PKNOX2: variants seen among roughly 807,000 people sequenced by gnomAD.
The protein encoded by PKNOX2 is PBX/knotted 1 homeobox 2.
In PKNOX2, 14 loss-of-function variants were observed where a neutral mutation model predicts 53.1. That is an observed-to-expected ratio of 0.26 (90% CI 0.17 to 0.41). The LOEUF (loss-of-function observed/expected upper bound fraction) is 0.41. Among genes scored for constraint, PKNOX2 ranks in the 10% least tolerant of loss-of-function variants. The pLI is 1.00. For synonymous variants in PKNOX2, 257 were observed against 242.8 expected (o/e 1.06, Z -0.54); for missense variants, 496 against 602.8 (o/e 0.82, Z 1.85).
At chr11:125,278,462 C>T (rs913895094) in intron 2 of PKNOX2, among the ~76,000 whole-genome samples, 1 of 152,124 alleles carries the variant, frequency 6.6e-6, no homozygotes, top group Non-Finnish European at 1.5e-5. Flanking sequence ...TGAGTGTCTA[C>T]CCAGCAGTGC....
chr11:125,243,069 G>A (rs958374146), intron 2 of PKNOX2, among the ~76,000 whole-genome samples: 1 of 152,224 alleles, frequency 6.6e-6, no homozygotes, highest in African/African-American at 2.4e-5. Flanking sequence ...AGGATTAAAA[G>A]AGATATGTGA....
chr11:125,371,282 A>AG (rs1427036877), intron 5 of PKNOX2, among the ~76,000 whole-genome samples: 1 of 152,016 alleles, frequency 6.6e-6, no homozygotes, highest in Non-Finnish European at 1.5e-5. Flanking sequence ...CAGCACTGAG[A>AG]GGGGGTCCAA....
intron 3 of PKNOX2, among the ~76,000 whole-genome samples, chr11:125,344,758 G>A (rs1435154822): frequency 6.6e-6 from 1 of 152,186 alleles, no homozygotes; most frequent in Non-Finnish European, 1.5e-5. Flanking sequence ...GGGCAGTAGG[G>A]AAGCAGGTGT....
intron 2 of PKNOX2, among the ~76,000 whole-genome samples, chr11:125,251,330 T>C (rs1943976684): frequency 6.6e-6 from 1 of 152,206 alleles, no homozygotes; most frequent in South Asian, 2.1e-4. Context: ...CTTTCTGTAA[T>C]GGCTCTGAAA....
intron 2 of PKNOX2, among the ~76,000 whole-genome samples, chr11:125,312,747 C>T (rs1295545103): frequency 6.6e-6 from 1 of 152,180 alleles, no homozygotes; most frequent in Non-Finnish European, 1.5e-5. Flanking sequence ...GCGGGCTCAG[C>T]AGCACCATAC....
At chr11:125,323,420 T>C (rs1370942432) in intron 2 of PKNOX2, among the ~76,000 whole-genome samples, 1 of 152,224 alleles carries the variant, frequency 6.6e-6, no homozygotes, top group Non-Finnish European at 1.5e-5. Context: ...CCTTGTTGCC[T>C]TCCTTTGCTG....
At chr11:125,368,177 G>A (rs1236722926) in intron 5 of PKNOX2, among the ~76,000 whole-genome samples, 192 bp downstream of exon 5, 1 of 152,186 alleles carries the variant, frequency 6.6e-6, no homozygotes, top group Admixed American at 6.5e-5. Context: ...TAGCTTTCTG[G>A]AAATGTCTAG....
chr11:125,356,147 C>A (rs1374012763), intron 4 of PKNOX2, among the ~76,000 whole-genome samples: 1 of 151,750 alleles, frequency 6.6e-6, no homozygotes, highest in Non-Finnish European at 1.5e-5. Flanking sequence ...AGTATGTATT[C>A]AATGTTTAGT....
At chr11:125,208,026 A>T (rs1939355141) in intron 1 of PKNOX2, among the ~76,000 whole-genome samples, 1 of 152,180 alleles carries the variant, frequency 6.6e-6, no homozygotes, top group South Asian at 2.1e-4. Context: ...AAATGTAAGT[A>T]GCTGTAATGC....
At chr11:125,392,951 G>A (rs1007289875) in intron 6 of PKNOX2, among the ~76,000 whole-genome samples, 1 of 151,968 alleles carries the variant, frequency 6.6e-6, no homozygotes, top group Non-Finnish European at 1.5e-5. Context: ...GAGGTCAGGA[G>A]ATCGAGACTA....
chr11:125,336,037 G>A (rs1057010141), intron 3 of PKNOX2, among the ~76,000 whole-genome samples: 15 of 152,106 alleles, frequency 9.9e-5, no homozygotes, highest in African/African-American at 3.4e-4. Context: ...TTTAAACATA[G>A]GTTATATGAT....
At chr11:125,177,542 T>C (rs866565385) in intron 1 of PKNOX2, among the ~76,000 whole-genome samples, 6 of 152,180 alleles carry the variant, frequency 3.9e-5, no homozygotes, top group Admixed American at 1.3e-4. Flanking sequence ...GTTTCTTCCC[T>C]TTTGTGAAAT....
intron 1 of PKNOX2, among the ~76,000 whole-genome samples, chr11:125,180,785 C>T (rs949703344): frequency 7.2e-5 from 11 of 152,226 alleles, no homozygotes; most frequent in African/African-American, 1.4e-4. Flanking sequence ...TCTGCTGCTG[C>T]TCCTTGGGCC....
rs1956735984 is a variant in PKNOX2, at chr11:125,432,278, A to ACTGAAG, written c.*886_*887insCTGAAG. ...TTTTACCCTAGATGTTCCCACCTTC[A>ACTGAAG]GTGCTCCACGCCCTCCATAGACCTT... On this transcript the variant is annotated 3_prime_UTR_variant, in exon 13 of 13. Transcript: ENST00000298282. 2.6e-5 allele frequency: 4 copies of ACTGAAG among 152,732 alleles called. No individual in the cohort carries two copies. Among genetic ancestry groups the ACTGAAG allele is most frequent in the Non-Finnish European group, 5.9e-5 (4 of 68,086 alleles). 9.5% of individuals were successfully genotyped at this position (152,732 alleles called of 1,614,324 possible).
chr11:125,385,595 A>T lies in PKNOX2; in HGVS notation c.272A>T (p.Glu91Val). 1 of 1,611,766 alleles carries T rather than the reference A, an allele frequency of 6.2e-7. No individual in the cohort carries two copies. The highest frequency in any genetic ancestry group is 1.7e-5 in the Admixed American group (1 of 59,492). The change falls in exon 6 of 13, where the codon GAA (glutamate) becomes GTA (valine). Residue 91 changes from glutamate to valine, a missense_variant. This residue lies in a region of PKNOX2 where 168 missense variants were observed against 178.4 expected (regional missense o/e 0.94). Coordinates refer to ENST00000298282, the MANE Select transcript of PKNOX2 (RefSeq NM_001382323.2). ...CTGACGCTGCTGTTTGAGAAATGTG[A>T]ACAGGCCACCCAGGGCTCTGAGTGC... is the stretch of plus-strand genomic sequence containing the variant. ...PLLTLLFEKC[E>V]QATQGSECIT...
intron 2 of PKNOX2, among the ~76,000 whole-genome samples, chr11:125,305,798 G>A (rs540233804): frequency 6.6e-6 from 1 of 152,224 alleles, no homozygotes; most frequent in African/African-American, 2.4e-5. Context: ...GGATCCCAGG[G>A]CAGGTAAAGA....
intron 7 of PKNOX2, among the ~76,000 whole-genome samples, chr11:125,402,814 G>A (rs1954831897): frequency 6.6e-6 from 1 of 152,166 alleles, no homozygotes; most frequent in African/African-American, 2.4e-5. Flanking sequence ...CTCAGAGGGG[G>A]ACCAAGTCCC....
chr11:125,221,828 G>A (rs536100099), intron 1 of PKNOX2, among the ~76,000 whole-genome samples: 31 of 152,042 alleles, frequency 2.0e-4, no homozygotes, highest in South Asian at 1.2e-3. Context: ...CGACCACCCC[G>A]TGTGAGTCTC....
intron 1 of PKNOX2, among the ~76,000 whole-genome samples, chr11:125,200,259 TC>T (rs1272418684): frequency 6.6e-6 from 1 of 151,812 alleles, no homozygotes; most frequent in Non-Finnish European, 1.5e-5. Context: ...GAGCAGAGAG[TC>T]CCTCCCAAGG....
Sources: allele counts gnomAD v4.1 joint callset (sites outside exome capture counted in the v4.1 genomes callset), GRCh38; gene constraint gnomAD v4.1.1; regional missense constraint gnomAD v4.1.1; transcripts MANE v1.5; gene names NCBI Gene and HGNC (gene_info 2026-07-23, HGNC 2026-07-21).